Variants in CSMD1 observed in about 807,000 individuals in gnomAD.
CSMD1 encodes the protein CUB and sushi domain-containing protein 1.
Under a neutral mutation model 417.5 loss-of-function variants are expected in CSMD1, and 213 were observed. That is an observed-to-expected ratio of 0.51 (90% CI 0.46 to 0.57). The LOEUF (loss-of-function observed/expected upper bound fraction) is 0.57. Ranked by LOEUF, CSMD1 falls within the 20% of genes least tolerant of loss-of-function variation. CSMD1 has a pLI of 0.00. For missense variants in CSMD1, 6,923 were observed against 4,529.7 expected (o/e 1.53, Z -15.17); for synonymous variants, 2,862 against 1,736.8 (o/e 1.65, Z -16.11).
At chr8:4,497,482 C>G (rs961900661) in intron 2 of CSMD1, among the ~76,000 whole-genome samples, 2 of 152,176 alleles carry the variant, frequency 1.3e-5, no homozygotes, top group Non-Finnish European at 2.9e-5. Flanking sequence ...CAGTTATAAC[C>G]TGTCATCTCT....
At chr8:3,751,461 A>G (rs910024650) in intron 6 of CSMD1, among the ~76,000 whole-genome samples, 1 of 148,388 alleles carries the variant, frequency 6.7e-6, no homozygotes, top group Non-Finnish European at 1.5e-5. Flanking sequence ...GTTTATACTT[A>G]AATATATAAT....
chr8:4,275,191 T>C (rs1796406879), intron 3 of CSMD1, among the ~76,000 whole-genome samples: 1 of 152,154 alleles, frequency 6.6e-6, no homozygotes, highest in Admixed American at 6.5e-5. Flanking sequence ...TTCTTTCTAG[T>C]TTTTAAGATA....
chr8:4,255,422 T>A (rs1300335463), intron 3 of CSMD1, among the ~76,000 whole-genome samples: 3 of 152,172 alleles, frequency 2.0e-5, no homozygotes, highest in Non-Finnish European at 4.4e-5. Flanking sequence ...CAGTAAAAAT[T>A]GCTGTTTTCT....
chr8:2,999,031 G>A (rs566831158), intron 53 of CSMD1, among the ~76,000 whole-genome samples: 1 of 152,226 alleles, frequency 6.6e-6, no homozygotes, highest in South Asian at 2.1e-4. Context: ...AAGGGAAATT[G>A]GGCAATAAAG....
chr8:3,911,928 T>A (rs901684773), intron 5 of CSMD1, among the ~76,000 whole-genome samples: 1 of 152,214 alleles, frequency 6.6e-6, no homozygotes, highest in African/African-American at 2.4e-5. Context: ...TTCTCCTCTA[T>A]GTGTTTTCCC....
At chr8:3,379,646 G>T (rs1386108666) in intron 18 of CSMD1, among the ~76,000 whole-genome samples, 5 of 152,154 alleles carry the variant, frequency 3.3e-5, no homozygotes, top group African/African-American at 7.2e-5. Context: ...AAGCAATGGG[G>T]AAAGGATTCC....
At chr8:4,554,753 A>C (rs1244834969) in intron 2 of CSMD1, among the ~76,000 whole-genome samples, 1 of 152,214 alleles carries the variant, frequency 6.6e-6, no homozygotes, top group African/African-American at 2.4e-5. Context: ...AACTTTATTG[A>C]GTGCTAGTCA....
rs1442257936 is a variant in CSMD1, at chr8:3,188,872, A to C, written c.5523+15T>G. On this transcript the variant is annotated intron_variant, in intron 35 of 69. Coordinates refer to ENST00000635120, the MANE Select transcript of CSMD1 (RefSeq NM_033225.6). The stretch of plus-strand genomic sequence containing the variant: ...AGCTGAGCCCTGTTGTAGACTGTGG[A>C]CTTCAAGGACTCACCTGAATTCCCG... 6.5e-6 allele frequency: 10 copies of C among 1,548,170 alleles called. No individual in the cohort carries two copies. Among genetic ancestry groups the C allele is most frequent in the Non-Finnish European group, 8.7e-6 (10 of 1,145,178 alleles).
intron 21 of CSMD1, 144 bp from the exon 22 acceptor site, chr8:3,348,305 A>AT (rs3839872): frequency 0.37 from 204,715 of 555,202 alleles, 33,136 homozygotes; most frequent in Non-Finnish European, 0.39. Context: ...TAGATCAGTG[A>AT]TTTTTTTTTA....
intron 10 of CSMD1, among the ~76,000 whole-genome samples, chr8:3,502,364 CAAAAAA>C (rs371588108): frequency 9.2e-6 from 1 of 109,180 alleles, no homozygotes; most frequent in East Asian, 2.6e-4. Flanking sequence ...GACTTCATCT[CAAAAAA>C]AAAAAAAAAA....
At chr8:3,435,984 G>T (rs949140199) in intron 12 of CSMD1, among the ~76,000 whole-genome samples, 13 of 152,206 alleles carry the variant, frequency 8.5e-5, no homozygotes, top group Admixed American at 8.5e-4. Flanking sequence ...CTTTGTATTT[G>T]CAAATGCTCT....
chr8:3,443,629 T>G (rs767149545), intron 12 of CSMD1, among the ~76,000 whole-genome samples: 2 of 152,094 alleles, frequency 1.3e-5, no homozygotes, highest in Non-Finnish European at 2.9e-5. Context: ...CTTTGCAGAG[T>G]TGACTGTGGA....
At chr8:3,764,395 T>A (rs1322065527) in intron 5 of CSMD1, among the ~76,000 whole-genome samples, 2 of 152,116 alleles carry the variant, frequency 1.3e-5, no homozygotes, top group Non-Finnish European at 2.9e-5. Context: ...ACCACAAACA[T>A]AATCAAACAT....
intron 39 of CSMD1, among the ~76,000 whole-genome samples, chr8:3,152,606 C>G (rs553405201): frequency 6.6e-6 from 1 of 152,182 alleles, no homozygotes; most frequent in South Asian, 2.1e-4. Flanking sequence ...ATTGCTCAAG[C>G]CAGGGCACCA....
chr8:4,697,408 T>A (rs1584958247), intron 1 of CSMD1, among the ~76,000 whole-genome samples: 1 of 152,122 alleles, frequency 6.6e-6, no homozygotes, highest in Non-Finnish European at 1.5e-5. Flanking sequence ...GCTAGCAAAT[T>A]AGTGTATTTG....
intron 3 of CSMD1, among the ~76,000 whole-genome samples, chr8:4,202,455 A>G (rs1339117067): frequency 6.6e-6 from 1 of 152,216 alleles, no homozygotes; most frequent in African/African-American, 2.4e-5. Flanking sequence ...AAAATGTTTC[A>G]TTACGTAAGT....
At chr8:4,994,273 C>G in intron 1 of CSMD1, 59 bp downstream of exon 1, 2 of 1,510,528 alleles carry the variant, frequency 1.3e-6, no homozygotes, top group Non-Finnish European at 9.1e-7. Flanking sequence ...CACTCGCGTC[C>G]GCACACGGGG....
At chr8:4,487,715 T>G (rs1278116788) in intron 2 of CSMD1, among the ~76,000 whole-genome samples, 2 of 152,198 alleles carry the variant, frequency 1.3e-5, no homozygotes, top group African/African-American at 4.8e-5. Context: ...AAAATGCCTG[T>G]TTAGAGGATA....
intron 3 of CSMD1, among the ~76,000 whole-genome samples, chr8:4,090,125 T>C (rs758549976): frequency 3.9e-5 from 6 of 152,342 alleles, no homozygotes; most frequent in Non-Finnish European, 7.3e-5. Context: ...CTCTGGAAGC[T>C]CATCATTAAT....
Sources: allele counts gnomAD v4.1 joint callset (sites outside exome capture counted in the v4.1 genomes callset), GRCh38; gene constraint gnomAD v4.1.1; transcripts MANE v1.5; gene names NCBI Gene and HGNC (gene_info 2026-07-23, HGNC 2026-07-21).